Variants in PLD5 observed in about 807,000 individuals in gnomAD.
PLD5 encodes the protein phospholipase D family member 5, also known as inactive phospholipase D5.
Under a neutral mutation model 61.1 loss-of-function variants are expected in PLD5, and 36 were observed. The observed-to-expected ratio is 0.59, with a 90% CI of 0.45 to 0.78. PLD5 has a LOEUF of 0.78. Among genes scored for constraint, PLD5 ranks in the 30% least tolerant of loss-of-function variants. The pLI is 0.00. For missense variants in PLD5, 515 were observed against 644.4 expected (o/e 0.80, Z 2.17); for synonymous variants, 243 against 242.8 (o/e 1.00, Z -0.01).
chr1:242,135,504 T>C (rs1206018798), intron 5 of PLD5, among the ~76,000 whole-genome samples: 2 of 152,314 alleles, frequency 1.3e-5, no homozygotes, highest in East Asian at 3.9e-4. Context: ...TCCTTCTCTT[T>C]CTAATTTCAA....
At position 242,466,254 on chromosome 1, in the gene PLD5, G is replaced by T. The variant is rs375051533; in HGVS notation, c.189+57834C>A. On this transcript the variant is annotated intron_variant, in intron 1 of 9. Coordinates refer to ENST00000536534, the MANE Select transcript of PLD5 (RefSeq NM_001372062.1). Reference sequence around the variant, plus strand: ...GAAGGGAAGTATTTTTGTTTGTTTTGTTGCCTGATGTATCCTAGGTGTGTA... The same window carrying T: ...GAAGGGAAGTATTTTTGTTTGTTTTTTTGCCTGATGTATCCTAGGTGTGTA... Among the ~76,000 whole-genome samples the T allele has an allele frequency of 1.1e-4, 17 of 152,090 alleles. No homozygotes were observed. The East Asian group carries it at 2.3e-3, about 21-fold the overall frequency.
intron 4 of PLD5, among the ~76,000 whole-genome samples, chr1:242,240,340 T>C (rs1385130607): frequency 1.3e-5 from 2 of 152,220 alleles, no homozygotes; most frequent in Non-Finnish European, 2.9e-5. Flanking sequence ...CCATCTCCAC[T>C]GCTCTCCCCC....
intron 1 of PLD5, among the ~76,000 whole-genome samples, chr1:242,519,855 T>C (rs988044829): frequency 6.6e-6 from 1 of 152,220 alleles, no homozygotes; most frequent in Non-Finnish European, 1.5e-5. Flanking sequence ...AGGATCATCA[T>C]ACAGGCTGAT....
At chr1:242,376,915 T>C (rs374460928) in intron 1 of PLD5, 1 of 1,598,634 alleles carries the variant, frequency 6.3e-7, no homozygotes, top group Non-Finnish European at 8.5e-7. Flanking sequence ...TCATGGATCA[T>C]CTGTGGCTAT....
chr1:242,506,208 A>T (rs1668713539), intron 1 of PLD5, among the ~76,000 whole-genome samples: 1 of 152,168 alleles, frequency 6.6e-6, no homozygotes, highest in African/African-American at 2.4e-5. Flanking sequence ...ATGGATGATG[A>T]ACCAATTGAA....
chr1:242,299,211 G>A (rs12132877), intron 2 of PLD5, among the ~76,000 whole-genome samples: 9,868 of 152,040 alleles, frequency 0.065, 337 homozygotes, highest in Middle Eastern at 0.12. Flanking sequence ...ACAGGCATGC[G>A]ATGTGAAATG....
chr1:242,271,378 G>T (rs56656757), intron 3 of PLD5, among the ~76,000 whole-genome samples: 3,311 of 150,832 alleles, frequency 0.022, 120 homozygotes, highest in African/African-American at 0.076. Flanking sequence ...GTTGAGGGAA[G>T]AACTAAATCT....
intron 4 of PLD5, among the ~76,000 whole-genome samples, chr1:242,255,448 G>A (rs1201379220): frequency 6.6e-6 from 1 of 152,146 alleles, no homozygotes; most frequent in Non-Finnish European, 1.5e-5. Context: ...AAAATGCAGA[G>A]TTGGAAACTA....
At chr1:242,241,770 A>G (rs1414409735) in intron 4 of PLD5, among the ~76,000 whole-genome samples, 3 of 67,346 alleles carry the variant, frequency 4.5e-5, no homozygotes, top group Non-Finnish European at 9.5e-5. Context: ...ATATTCCTAT[A>G]GGCCACAAAA....
chr1:242,178,167 C>T (rs183321369), intron 5 of PLD5: 2 of 152,344 alleles, frequency 1.3e-5, no homozygotes, highest in African/African-American at 4.8e-5. Context: ...TTCACCCAGT[C>T]TCTATGTGCT....
At chr1:242,130,933 C>G (rs774106544) in intron 5 of PLD5, among the ~76,000 whole-genome samples, 108 of 152,024 alleles carry the variant, frequency 7.1e-4, no homozygotes, top group Non-Finnish European at 1.4e-3. Context: ...ACCCATGGAG[C>G]TGAGAGAGGC....
chr1:242,231,198 G>T (rs534184948), intron 4 of PLD5, among the ~76,000 whole-genome samples: 10 of 152,154 alleles, frequency 6.6e-5, no homozygotes, highest in Non-Finnish European at 1.5e-4. Context: ...AGCTGCCGGG[G>T]CACGTGCTAC....
At chr1:242,467,489 A>G (rs1667312731) in intron 1 of PLD5, among the ~76,000 whole-genome samples, 1 of 152,228 alleles carries the variant, frequency 6.6e-6, no homozygotes, top group Admixed American at 6.5e-5. Flanking sequence ...TCCTCCAAAA[A>G]GAATAAAAGT....
intron 1 of PLD5, among the ~76,000 whole-genome samples, chr1:242,434,762 C>T (rs187058746): frequency 8.9e-4 from 135 of 152,174 alleles, no homozygotes; most frequent in African/African-American, 2.9e-3. Context: ...TACAGGCACC[C>T]GCCACCACAC....
chr1:242,503,477 C>T (rs1233070300), intron 1 of PLD5, among the ~76,000 whole-genome samples: 1 of 152,164 alleles, frequency 6.6e-6, no homozygotes, highest in African/African-American at 2.4e-5. Context: ...TTGTAAATGA[C>T]CAAATCTCAT....
At chr1:242,394,876 A>G (rs1353848572) in intron 1 of PLD5, among the ~76,000 whole-genome samples, 1 of 117,338 alleles carries the variant, frequency 8.5e-6, no homozygotes, top group Non-Finnish European at 1.7e-5. Context: ...ATGAATATAT[A>G]TGAATATATG....
chr1:242,423,774 A>ATGGTCATATTCACTGCTCCCCCTCCAC (rs1665271907), intron 1 of PLD5, among the ~76,000 whole-genome samples: 2 of 152,176 alleles, frequency 1.3e-5, no homozygotes, highest in Non-Finnish European at 2.9e-5. Context: ...CGAGAAGGTC[A>ATGGTCATATTCACTGCTCCCCCTCCAC]TGGTCATATT....
At chr1:242,372,261 C>A (rs1042318107) in intron 1 of PLD5, among the ~76,000 whole-genome samples, 6 of 152,282 alleles carry the variant, frequency 3.9e-5, no homozygotes, top group African/African-American at 1.4e-4. Flanking sequence ...GCTATTTCCA[C>A]ACACCAGCAG....
intron 4 of PLD5, among the ~76,000 whole-genome samples, chr1:242,253,432 G>A (rs1316837878): frequency 4.0e-5 from 6 of 149,160 alleles, no homozygotes; most frequent in Non-Finnish European, 7.4e-5. Context: ...TCCTGCCTCA[G>A]CCTCCCAAGT....
Sources: allele counts gnomAD v4.1 joint callset (sites outside exome capture counted in the v4.1 genomes callset), GRCh38; gene constraint gnomAD v4.1.1; transcripts MANE v1.5; gene names NCBI Gene and HGNC (gene_info 2026-07-23, HGNC 2026-07-21).